Variants in NPFFR2 observed in about 807,000 individuals in gnomAD.
The protein encoded by NPFFR2 is neuropeptide FF receptor 2.
A neutral mutation model predicts 13.1 loss-of-function variants in NPFFR2; 15 were observed. The observed-to-expected ratio is 1.15, with a 90% confidence interval of 0.77 to 1.76. The LOEUF (loss-of-function observed/expected upper bound fraction) is 1.76, where lower values mean the gene tolerates loss of function less well. Ranked by LOEUF, NPFFR2 falls within the 40% of genes most tolerant of loss-of-function variation. The pLI is 0.00. For synonymous variants in NPFFR2, 190 were observed against 175.7 expected (o/e 1.08, Z -0.65); for missense variants, 572 against 503.5 (o/e 1.14, Z -1.30).
chr4:72,090,230 A>G (rs1233739435), intron 1 of NPFFR2, among the ~76,000 whole-genome samples: 3 of 152,036 alleles, frequency 2.0e-5, no homozygotes, highest in South Asian at 2.1e-4. Flanking sequence ...CTATGGCCTT[A>G]TAGCATAGTT....
rs116280437 is a variant in NPFFR2, at chr4:72,124,772, C to A, written c.-7-3813C>A. Among the ~76,000 whole-genome samples the A allele has an allele frequency of 4.9e-4, 75 of 152,032 alleles. 1 individual carries two copies. Among genetic ancestry groups the A allele is most frequent in the African/African-American group, 1.8e-3 (75 of 41,512 alleles). ...TCCTTACACCTTACACAAAAATTAACCAAGACGGATTAAAGACTAAATGTA... is the reference window on the plus strand; with the variant it reads ...TCCTTACACCTTACACAAAAATTAAACAAGACGGATTAAAGACTAAATGTA... On this transcript the variant is annotated intron_variant, in intron 1 of 3. Transcript: ENST00000308744.
At chr4:72,059,755 A>G (rs1719867180) in intron 1 of NPFFR2, among the ~76,000 whole-genome samples, 3 of 152,060 alleles carry the variant, frequency 2.0e-5, no homozygotes, top group Admixed American at 2.0e-4. Flanking sequence ...TTTAGTCACT[A>G]AAGGAAGAAA....
intron 1 of NPFFR2, among the ~76,000 whole-genome samples, chr4:72,115,668 G>A (rs1031477744): frequency 6.6e-6 from 1 of 152,092 alleles, no homozygotes; most frequent in Non-Finnish European, 1.5e-5. Context: ...CCATTTTCAT[G>A]AAAGTTCTTT....
chr4:72,106,442 C>A (rs1176693790), intron 1 of NPFFR2, among the ~76,000 whole-genome samples: 1 of 152,060 alleles, frequency 6.6e-6, no homozygotes, highest in Non-Finnish European at 1.5e-5. Context: ...AAAGAGCCAG[C>A]AGCAGCCAGA....
chr4:72,033,109 G>T (rs932892408), intron 1 of NPFFR2, among the ~76,000 whole-genome samples: 5 of 152,074 alleles, frequency 3.3e-5, no homozygotes, highest in Non-Finnish European at 7.4e-5. Flanking sequence ...TGAGAGGAAG[G>T]ATGGAAAAAT....
chr4:72,129,328 A>G (rs1722166285), intron 2 of NPFFR2, among the ~76,000 whole-genome samples: 1 of 143,180 alleles, frequency 7.0e-6, no homozygotes, highest in South Asian at 2.4e-4. Context: ...AGAAAGAAAT[A>G]AGGGGACCCG....
chr4:72,052,929 A>G (rs1237587684), intron 1 of NPFFR2, among the ~76,000 whole-genome samples: 2 of 151,886 alleles, frequency 1.3e-5, no homozygotes. Flanking sequence ...CAATCAGAAA[A>G]TCTTTGAATC....
At chr4:72,125,121 G>A (rs1052981774) in intron 1 of NPFFR2, among the ~76,000 whole-genome samples, 5 of 152,128 alleles carry the variant, frequency 3.3e-5, no homozygotes, top group African/African-American at 1.2e-4. Flanking sequence ...TGAAGGATAC[G>A]AACAGACACT....
intron 3 of NPFFR2, among the ~76,000 whole-genome samples, chr4:72,140,212 A>G (rs1161838417): frequency 6.6e-6 from 1 of 152,186 alleles, no homozygotes; most frequent in East Asian, 1.9e-4. Flanking sequence ...AAGAGGAACA[A>G]TTTGACTTCC....
intron 1 of NPFFR2, among the ~76,000 whole-genome samples, chr4:72,049,242 C>T (rs1002903570): frequency 3.3e-5 from 5 of 152,052 alleles, no homozygotes; most frequent in African/African-American, 9.7e-5. Flanking sequence ...AACCAAAGTA[C>T]ATATATTAAA....
chr4:72,109,426 T>G (rs1222534852), intron 1 of NPFFR2, among the ~76,000 whole-genome samples: 2 of 152,036 alleles, frequency 1.3e-5, no homozygotes, highest in Admixed American at 6.6e-5. Flanking sequence ...GGTAATGTCT[T>G]GCACATTCAT....
In NPFFR2 at chr4:72,098,418, A is replaced by C. The variant is rs80080102; in HGVS notation, c.-7-30167A>C. 8.9e-4 allele frequency among the ~76,000 whole-genome samples: 135 copies of C among 152,132 alleles called. No homozygotes were observed. In the East Asian group the frequency reaches 0.024, roughly 27 times the overall value. On this transcript the variant is annotated intron_variant, in intron 1 of 3. Coordinates refer to ENST00000308744, the MANE Select transcript of NPFFR2 (RefSeq NM_004885.3). ...TGCATGTGGCCCAGGATAGCTTTGA[A>C]TATGACCCAACACAAATTTGTGAAC... is the stretch of plus-strand genomic sequence containing the variant.
At chr4:72,101,700 G>T (rs1284472825) in intron 1 of NPFFR2, among the ~76,000 whole-genome samples, 1 of 151,896 alleles carries the variant, frequency 6.6e-6, no homozygotes, top group Non-Finnish European at 1.5e-5. Flanking sequence ...GAAAGAAGGG[G>T]TCAAAACATC....
intron 1 of NPFFR2, among the ~76,000 whole-genome samples, chr4:72,088,194 CA>C (rs1254262129): frequency 1.3e-5 from 2 of 151,848 alleles, no homozygotes; most frequent in Non-Finnish European, 2.9e-5. Flanking sequence ...GTAAAGTACA[CA>C]TTTTTTTGTA....
intron 1 of NPFFR2, among the ~76,000 whole-genome samples, chr4:72,034,109 C>T (rs1718989096): frequency 6.6e-6 from 1 of 152,132 alleles, no homozygotes; most frequent in South Asian, 2.1e-4. Flanking sequence ...ATACTGCCCT[C>T]CTTATTATGG....
chr4:72,144,071 T>G (rs1578485542), intron 3 of NPFFR2, among the ~76,000 whole-genome samples: 3 of 152,210 alleles, frequency 2.0e-5, no homozygotes, highest in Non-Finnish European at 4.4e-5. Context: ...ATCTGTGATA[T>G]GTACAGATTT....
intron 1 of NPFFR2, among the ~76,000 whole-genome samples, chr4:72,082,022 G>C (rs1237556950): frequency 1.3e-5 from 2 of 152,286 alleles, no homozygotes; most frequent in East Asian, 3.9e-4. Context: ...AGTGGGATGA[G>C]GGTTGGAGTA....
intron 1 of NPFFR2, among the ~76,000 whole-genome samples, chr4:72,127,981 A>T (rs1459708291): frequency 6.6e-6 from 1 of 152,026 alleles, no homozygotes; most frequent in Non-Finnish European, 1.5e-5. Flanking sequence ...TTGGGGGGTG[A>T]GGCAGGAGGA....
intron 1 of NPFFR2, among the ~76,000 whole-genome samples, chr4:72,127,646 A>G (rs1674040145): frequency 6.6e-6 from 1 of 151,156 alleles, no homozygotes; most frequent in South Asian, 2.1e-4. Flanking sequence ...TACAGGCGTG[A>G]GCCACCGCGC....
Sources: gnomAD v4.1 joint callset for allele counts (sites outside exome capture counted in the v4.1 genomes callset) on GRCh38, gnomAD v4.1.1 for gene constraint, MANE v1.5 for transcripts, NCBI Gene and HGNC (gene_info 2026-07-23, HGNC 2026-07-21) for gene names.